ELOVL4: variants seen among roughly 807,000 people sequenced by gnomAD.
ELOVL4 encodes ELOVL fatty acid elongase 4.
In ELOVL4, 18 loss-of-function variants were observed where a neutral mutation model predicts 42.1. The observed-to-expected ratio is 0.43, with a 90% CI of 0.30 to 0.63. ELOVL4 has a LOEUF of 0.63. ELOVL4 is among the 30% of genes least tolerant of loss of function. The probability of loss-of-function intolerance (pLI) is 0.15; values close to 1 mark genes in which losing one functional copy is unlikely to be tolerated. For missense variants in ELOVL4, 299 were observed against 376.2 expected, an observed-to-expected ratio of 0.79 and a Z score of 1.70; for synonymous variants, 117 against 127.0, an observed-to-expected ratio of 0.92 and a Z score of 0.53.
At position 79,919,279 on chromosome 6, in the gene ELOVL4, G is replaced by T. The variant is rs1582044263; in HGVS notation, c.669+141C>A. 14 of 883,504 alleles carry T rather than the reference G, an allele frequency of 1.6e-5. No homozygotes were observed. The East Asian group carries it at 3.7e-4, about 23-fold the overall frequency. The allele number at this position is 883,504 out of a possible 1,614,324, so 54.7% of individuals were successfully genotyped here. A position where few individuals can be genotyped will look rare whatever the true frequency, so the allele number is the denominator to read the frequency against. On this transcript the variant is annotated intron_variant, in intron 5 of 5. Transcript: ENST00000369816. ...ATGAATAGGTCATCTAGAGTCAAGT[G>T]GGCATAACTGCGATATAGCTGGAGG...
chr6:79,924,500 T>TA (rs1774311663), intron 3 of ELOVL4, among the ~76,000 whole-genome samples: 1 of 152,180 alleles, frequency 6.6e-6, no homozygotes, highest in South Asian at 2.1e-4. Context: ...AAAGCATAGT[T>TA]TTACTGACTC....
chr6:79,936,846 G>A (rs1470830269), intron 1 of ELOVL4, among the ~76,000 whole-genome samples: 1 of 152,138 alleles, frequency 6.6e-6, no homozygotes, highest in East Asian at 1.9e-4. Context: ...ACACACTCTA[G>A]AAACAAACAG....
At chr6:79,936,940 C>A (rs1171811381) in intron 1 of ELOVL4, among the ~76,000 whole-genome samples, 1 of 152,140 alleles carries the variant, frequency 6.6e-6, no homozygotes, top group Non-Finnish European at 1.5e-5. Context: ...CTGTTCTAAC[C>A]CCTATGTACT....
chr6:79,937,306 T>C (rs1774560649), intron 1 of ELOVL4, among the ~76,000 whole-genome samples: 1 of 152,102 alleles, frequency 6.6e-6, no homozygotes, highest in African/African-American at 2.4e-5. Context: ...TTTGCCTGAA[T>C]AGAGATCATA....
At chr6:79,926,157 A>G in intron 2 of ELOVL4, 37 bp downstream of exon 2, 1 of 1,560,338 alleles carries the variant, frequency 6.4e-7, no homozygotes, top group Non-Finnish European at 8.8e-7. Context: ...ATTTCCAATA[A>G]CCTTGGAAAA....
chr6:79,940,633 G>A (rs938384064), intron 1 of ELOVL4, among the ~76,000 whole-genome samples: 8 of 152,102 alleles, frequency 5.3e-5, no homozygotes, highest in South Asian at 2.1e-4. Context: ...TGTTTTAGGA[G>A]ATGTTATAAG....
chr6:79,941,797 TAA>T (rs1202487653), intron 1 of ELOVL4, among the ~76,000 whole-genome samples: 1 of 152,208 alleles, frequency 6.6e-6, no homozygotes, highest in Admixed American at 6.5e-5. Flanking sequence ...TATGCTAGAT[TAA>T]GAGGGTCATC....
Position 79,926,263 on chromosome 6 carries a change from A to G in ELOVL4, c.219T>C (p.Phe73=). Residue 73 remains phenylalanine (F), a synonymous_variant, in exon 2 of 6, where the codon TTT becomes TTC. Coordinates refer to ENST00000369816, the MANE Select transcript of ELOVL4 (RefSeq NM_022726.4). The part of the protein sequence containing the change: ...GPKWMKDREP[F]QMRLVLIIYN... ...AGATAATGAGCACTAGACGCATCTG[A>G]AAAGGTTCTCGGTCCTTCATCCATT... 6.2e-7 allele frequency: 1 copy of G among 1,614,018 alleles called. No homozygotes were observed. The highest frequency in any genetic ancestry group is 8.5e-7 in the Non-Finnish European group (1 of 1,179,938).
chr6:79,937,311 A>T (rs1774560740), intron 1 of ELOVL4, among the ~76,000 whole-genome samples: 1 of 152,164 alleles, frequency 6.6e-6, no homozygotes, highest in African/African-American at 2.4e-5. Flanking sequence ...CTGAATAGAG[A>T]TCATAATAAT....
rs2127697627 is a variant in ELOVL4, at chr6:79,916,940, A to T, written c.670-57T>A. ...TAATCTGAATAGTAAACAACTTTTA[A>T]CAACATCGGCATCTTCTACATAGCT... On this transcript the variant is annotated intron_variant, in intron 5 of 5. Coordinates refer to ENST00000369816, the MANE Select transcript of ELOVL4 (RefSeq NM_022726.4). 2.5e-6 allele frequency: 4 copies of T among 1,603,872 alleles called. No homozygotes were observed. In the East Asian group the frequency reaches 8.9e-5, roughly 36 times the overall value.
intron 3 of ELOVL4, among the ~76,000 whole-genome samples, chr6:79,924,482 T>G (rs958362481): frequency 3.3e-5 from 5 of 152,194 alleles, no homozygotes; most frequent in Non-Finnish European, 7.3e-5. Context: ...AATTAAGTAC[T>G]TTTTAAAAAA....
chr6:79,916,675 T>C lies in ELOVL4; in HGVS notation c.878A>G (p.Lys293Arg). Residue 293 changes from lysine (K) to arginine (R), a missense_variant, in exon 6 of 6, where the codon AAA (lysine) becomes AGA (arginine). Transcript: ENST00000369816. ...MNGISANGVS[K>R]SEKQLMIENG... ...TTCTATCATGAGTTGTTTTTCTGATTTGCTCACACCATTTGCTGAAATACC... is the reference window on the plus strand; with the variant it reads ...TTCTATCATGAGTTGTTTTTCTGATCTGCTCACACCATTTGCTGAAATACC... The C allele has an allele frequency of 1.9e-6, 3 of 1,614,218 alleles. No individual in the cohort carries two copies. Among genetic ancestry groups the C allele is most frequent in the South Asian group, 1.1e-5 (1 of 91,084 alleles).
intron 3 of ELOVL4, among the ~76,000 whole-genome samples, chr6:79,924,075 T>C (rs1345645177): frequency 1.3e-5 from 2 of 152,326 alleles, no homozygotes; most frequent in East Asian, 1.9e-4. Flanking sequence ...AATAAATACG[T>C]AATAGAATAA....
chr6:79,925,111 C>A (rs144287218), intron 2 of ELOVL4, 79 bp from the exon 3 acceptor site: 6 of 951,812 alleles, frequency 6.3e-6, no homozygotes, highest in African/African-American at 3.3e-5. Flanking sequence ...CAAAATGTAG[C>A]CTTTCAAATT....
chr6:79,929,525 G>C (rs1305220333), intron 1 of ELOVL4, among the ~76,000 whole-genome samples: 1 of 152,168 alleles, frequency 6.6e-6, no homozygotes, highest in Non-Finnish European at 1.5e-5. Flanking sequence ...ACAGGCGTGA[G>C]CCACCATGCC....
intron 1 of ELOVL4, among the ~76,000 whole-genome samples, chr6:79,934,096 A>G (rs908641426): frequency 3.3e-5 from 5 of 152,228 alleles, no homozygotes; most frequent in African/African-American, 4.8e-5. Context: ...GGAGGCGTCC[A>G]GTAGCCTCTG....
intron 3 of ELOVL4, 141 bp downstream of exon 3, chr6:79,924,811 G>C (rs1411502503): frequency 9.3e-6 from 6 of 646,472 alleles, no homozygotes; most frequent in Middle Eastern, 4.1e-4. Flanking sequence ...CTTCAGTCTG[G>C]GGGACAGAGC....
At chr6:79,944,179 TG>T (rs1471974516) in intron 1 of ELOVL4, among the ~76,000 whole-genome samples, 1 of 152,202 alleles carries the variant, frequency 6.6e-6, no homozygotes, top group Non-Finnish European at 1.5e-5. Flanking sequence ...GTAGATAAGT[TG>T]GGTATTCATA....
intron 5 of ELOVL4, among the ~76,000 whole-genome samples, chr6:79,918,405 A>C (rs1418351521): frequency 1.3e-5 from 2 of 152,164 alleles, no homozygotes; most frequent in African/African-American, 4.8e-5. Flanking sequence ...GATTTTGATC[A>C]CCTCTTCATT....
Sources: allele counts gnomAD v4.1 joint callset (sites outside exome capture counted in the v4.1 genomes callset), GRCh38; gene constraint gnomAD v4.1.1; transcripts MANE v1.5; gene names NCBI Gene and HGNC (gene_info 2026-07-23, HGNC 2026-07-21).